The following SLC35E3 variants were observed in gnomAD, a reference collection of about 807,000 sequenced individuals.
SLC35E3 encodes the protein bladder cancer-overexpressed gene 1 protein.
In SLC35E3, 28 loss-of-function variants were observed where a neutral mutation model predicts 30.8. The observed-to-expected ratio is 0.91, with a 90% CI of 0.67 to 1.25. The LOEUF (loss-of-function observed/expected upper bound fraction) is 1.25. SLC35E3 is among the 50% of genes most tolerant of loss of function. The pLI is 0.00. For missense variants in SLC35E3, 365 were observed against 375.4 expected, an observed-to-expected ratio of 0.97 and a Z score of 0.23; for synonymous variants, 146 against 149.2, an observed-to-expected ratio of 0.98 and a Z score of 0.16.
At chr12:68,747,179 A>G (rs996279909) in intron 1 of SLC35E3, among the ~76,000 whole-genome samples, 14 of 152,262 alleles carry the variant, frequency 9.2e-5, no homozygotes, top group Non-Finnish European at 1.6e-4. Context: ...AAACGTCTGC[A>G]GCACCATACT....
In SLC35E3 at chr12:68,759,142, T is replaced by G. The variant is rs1435619778; in HGVS notation, c.673-15T>G. ...GCAGTGCTTTGCATTAATGGTTCTT[T>G]TGGTTTATTTGTAGCTTATGGTGCT... On this transcript the variant is annotated splice_polypyrimidine_tract_variant and intron_variant, in intron 3 of 4. Transcript: ENST00000398004. 1 of 1,580,442 alleles carries G rather than the reference T, an allele frequency of 6.3e-7. No homozygotes were observed. The highest frequency in any genetic ancestry group is 1.7e-4 in the Middle Eastern group (1 of 5,996).
rs1392962772 is a variant in SLC35E3, at chr12:68,754,044, A to G, written c.672+1854A>G. On this transcript the variant is annotated intron_variant, in intron 3 of 4. Transcript: ENST00000398004. ...GTATTTTCAGTAGAGATGGGGTTTC[A>G]CCATCTTGGCCAGGATGGTCTCAAT... 2.6e-5 allele frequency among the ~76,000 whole-genome samples: 4 copies of G among 151,878 alleles called. No homozygotes were observed. In the East Asian group the frequency reaches 7.7e-4, roughly 29 times the overall value.
In SLC35E3 at chr12:68,770,454, G is replaced by C. The variant is rs1318657956; in HGVS notation, c.*5564G>C. On this transcript the variant is annotated 3_prime_UTR_variant, in exon 5 of 5. Transcript: ENST00000398004. Reference sequence around the variant, plus strand: ...GTGGTAGCTTCAAAGGTAGTGGAATGAGATAAGTGGAAATAATTGAGTAGC... The same window carrying C: ...GTGGTAGCTTCAAAGGTAGTGGAATCAGATAAGTGGAAATAATTGAGTAGC... 2 of 152,520 alleles carry C rather than the reference G, an allele frequency of 1.3e-5. No individual in the cohort carries two copies. The highest frequency in any genetic ancestry group is 1.3e-4 in the Admixed American group (2 of 15,262). The allele number at this position is 152,520 out of a possible 1,614,324, so 9.4% of individuals were successfully genotyped here. A position where few individuals can be genotyped will look rare whatever the true frequency, so the allele number is the denominator to read the frequency against.
rs776771224 is a variant in SLC35E3 at position 68,758,729 on chromosome 12, C to CTT, written c.673-399_673-398dup. Among the ~76,000 whole-genome samples the CTT allele has an allele frequency of 7.4e-4, 36 of 48,420 alleles. 2 individuals carry two copies. The highest frequency in any genetic ancestry group is 8.5e-4 in the Non-Finnish European group (24 of 28,104). 31.8% of individuals were successfully genotyped at this position (48,420 alleles called of 152,430 possible). A position where few individuals can be genotyped will look rare whatever the true frequency, so the allele number is the denominator to read the frequency against. On this transcript the variant is annotated intron_variant, in intron 3 of 4. Coordinates refer to ENST00000398004, the MANE Select transcript of SLC35E3 (RefSeq NM_018656.5). ...TGTCTCCCAACCCCAAATTCTCTTT[C>CTT]TTTTTTTTTTTTTTTTTTTTTTTTT...
rs1879333645 is a variant in SLC35E3 at position 68,764,848 on chromosome 12, T to C, written c.900T>C (p.Ser300=). Residue 300 remains serine (S), a synonymous_variant, in exon 5 of 5, where the codon AGT becomes AGC. Transcript: ENST00000398004. ...GILAYTHFKL[S]EQEGSRSKLA... ...TCGCCTATACCCACTTTAAGCTCAGTGAACAGGAAGGAAGTAGGAGTAAAC... is the reference window on the plus strand; with the variant it reads ...TCGCCTATACCCACTTTAAGCTCAGCGAACAGGAAGGAAGTAGGAGTAAAC... 6.2e-7 allele frequency: 1 copy of C among 1,614,036 alleles called. No homozygotes were observed. The highest frequency in any genetic ancestry group is 1.1e-5 in the South Asian group (1 of 91,086).
rs67182134 is a variant in SLC35E3, at chr12:68,776,691, G to GA, written c.*11812dup. The GA allele has an allele frequency of 5.1e-4, 73 of 144,300 alleles. No individual in the cohort carries two copies. Among genetic ancestry groups the GA allele is most frequent in the Admixed American group, 8.2e-4 (12 of 14,660 alleles). 8.9% of individuals were successfully genotyped at this position (144,300 alleles called of 1,614,324 possible). On this transcript the variant is annotated 3_prime_UTR_variant, in exon 5 of 5. Coordinates refer to ENST00000398004, the MANE Select transcript of SLC35E3 (RefSeq NM_018656.5). ...ACAGAATGAAACTGTGTCTCAAAAA[G>GA]AAAAAAAAAAACAAAAACTAGTAGC...
intron 4 of SLC35E3, among the ~76,000 whole-genome samples, chr12:68,760,974 C>T (rs571147515): frequency 2.6e-5 from 4 of 152,148 alleles, no homozygotes; most frequent in Admixed American, 1.3e-4. Context: ...AGTGGGAAGA[C>T]GACATTTGAG....
chr12:68,760,946 G>T (rs188783364), intron 4 of SLC35E3, among the ~76,000 whole-genome samples: 12 of 152,332 alleles, frequency 7.9e-5, no homozygotes, highest in African/African-American at 2.4e-4. Flanking sequence ...TCTAGGCAGG[G>T]CTAGTCAGGA....
chr12:68,764,389 A>C (rs1490063204), intron 4 of SLC35E3, among the ~76,000 whole-genome samples: 2 of 152,206 alleles, frequency 1.3e-5, no homozygotes, highest in Non-Finnish European at 2.9e-5. Flanking sequence ...CCTGGGTTTA[A>C]GTGATTCTCA....
chr12:68,759,136 G>A, intron 3 of SLC35E3, 21 bp from the exon 4 acceptor site: 1 of 1,550,822 alleles, frequency 6.4e-7, no homozygotes, highest in Non-Finnish European at 8.9e-7. Flanking sequence ...TGCATTAATG[G>A]TTCTTTTGGT....
intron 3 of SLC35E3, among the ~76,000 whole-genome samples, chr12:68,758,080 A>G (rs1879092985): frequency 6.6e-6 from 1 of 150,678 alleles, no homozygotes; most frequent in Non-Finnish European, 1.5e-5. Context: ...CGACAGAATG[A>G]GACTCCATCT....
intron 3 of SLC35E3, among the ~76,000 whole-genome samples, chr12:68,757,153 T>C (rs1879049851): frequency 6.6e-6 from 1 of 152,202 alleles, no homozygotes; most frequent in Non-Finnish European, 1.5e-5. Context: ...AAAAGCCGTC[T>C]ATGACAGACC....
At chr12:68,749,041 T>G (rs1294212275) in intron 2 of SLC35E3, among the ~76,000 whole-genome samples, 1 of 152,218 alleles carries the variant, frequency 6.6e-6, no homozygotes, top group Non-Finnish European at 1.5e-5. Context: ...TCTTTCTTGT[T>G]AAATGCACTT....
intron 3 of SLC35E3, among the ~76,000 whole-genome samples, chr12:68,754,276 G>T (rs1878920158): frequency 6.6e-6 from 1 of 151,584 alleles, no homozygotes; most frequent in Admixed American, 6.6e-5. Context: ...TGTTGTTGTT[G>T]TTTTTGTTTT....
intron 3 of SLC35E3, among the ~76,000 whole-genome samples, chr12:68,755,840 C>G (rs995170626): frequency 1.3e-5 from 2 of 152,212 alleles, no homozygotes; most frequent in Admixed American, 6.5e-5. Flanking sequence ...ACACCTTCTA[C>G]TAGGCCTCAC....
rs966604710 is a variant in SLC35E3, at chr12:68,766,029, C to T, written c.*1139C>T. 2.0e-5 allele frequency: 3 copies of T among 151,108 alleles called. No individual in the cohort carries two copies. The highest frequency in any genetic ancestry group is 2.1e-4 in the South Asian group (1 of 4,744). 9.4% of individuals were successfully genotyped at this position (151,108 alleles called of 1,614,324 possible). A position where few individuals can be genotyped will look rare whatever the true frequency, so the allele number is the denominator to read the frequency against. ...GCTTCCTGATTTATATAAATGAAATCTCATTTATAAAGTATAATAAAGATG... is the reference window on the plus strand; with the variant it reads ...GCTTCCTGATTTATATAAATGAAATTTCATTTATAAAGTATAATAAAGATG... On this transcript the variant is annotated 3_prime_UTR_variant, in exon 5 of 5. Coordinates refer to ENST00000398004, the MANE Select transcript of SLC35E3 (RefSeq NM_018656.5).
In SLC35E3 at chr12:68,781,135, G is replaced by A. The variant is rs1197524726; in HGVS notation, c.*16245G>A. ...GAGAGCATTATTTTTGAAAGTATAAGATTTGTGATTGTAATATAAACTTAA... is the reference window on the plus strand; with the variant it reads ...GAGAGCATTATTTTTGAAAGTATAAAATTTGTGATTGTAATATAAACTTAA... On this transcript the variant is annotated 3_prime_UTR_variant, in exon 5 of 5. Coordinates refer to ENST00000398004, the MANE Select transcript of SLC35E3 (RefSeq NM_018656.5). The A allele has an allele frequency of 1.4e-5, 2 of 143,080 alleles. No homozygotes were observed. Among genetic ancestry groups the A allele is most frequent in the African/African-American group, 3.0e-5 (1 of 32,900 alleles). The allele number at this position is 143,080 out of a possible 1,614,324, so 8.9% of individuals were successfully genotyped here. A position where few individuals can be genotyped will look rare whatever the true frequency, so the allele number is the denominator to read the frequency against.
intron 4 of SLC35E3, among the ~76,000 whole-genome samples, chr12:68,760,570 C>T (rs565528276): frequency 3.3e-5 from 5 of 152,226 alleles, no homozygotes; most frequent in Non-Finnish European, 1.5e-5. Context: ...AATGGGATGT[C>T]CAGATTTGAA....
At chr12:68,762,517 C>G (rs1352018770) in intron 4 of SLC35E3, among the ~76,000 whole-genome samples, 2 of 152,046 alleles carry the variant, frequency 1.3e-5, no homozygotes, top group African/African-American at 2.4e-5. Context: ...GAACATTCTG[C>G]CTGGAGTAAA....
Sources: allele counts gnomAD v4.1 joint callset (sites outside exome capture counted in the v4.1 genomes callset), GRCh38; gene constraint gnomAD v4.1.1; transcripts MANE v1.5; gene names NCBI Gene and HGNC (gene_info 2026-07-23, HGNC 2026-07-21).